Variants in GSE1 observed in about 807,000 individuals in gnomAD.
The protein encoded by GSE1 is Gse1 coiled-coil protein, also known as genetic suppressor element 1.
GSE1 carries 32 observed loss-of-function variants against 112.6 expected under a neutral mutation model. That is an observed-to-expected ratio of 0.28 (90% CI 0.21 to 0.38). GSE1 has a LOEUF of 0.38. Among genes scored for constraint, GSE1 ranks in the 10% least tolerant of loss-of-function variants. The pLI is 1.00. For missense variants in GSE1, 2,348 were observed against 1,699.2 expected (o/e 1.38, Z -6.71); for synonymous variants, 1,115 against 735.6 (o/e 1.52, Z -8.35).
chr16:85,234,334 A>C (rs1338732421), intron 1 of GSE1, among the ~76,000 whole-genome samples: 1 of 152,026 alleles, frequency 6.6e-6, no homozygotes, highest in East Asian at 1.9e-4. Flanking sequence ...GGGCTCCACC[A>C]TCTTGGTCTT....
intron 1 of GSE1, among the ~76,000 whole-genome samples, chr16:85,217,131 C>T (rs774176064): frequency 1.7e-4 from 26 of 152,298 alleles, no homozygotes; most frequent in South Asian, 4.1e-4. Flanking sequence ...CCATATGGAG[C>T]GTGGGGGTGA....
intron 1 of GSE1, among the ~76,000 whole-genome samples, chr16:85,195,240 C>T (rs1210786906): frequency 1.3e-5 from 2 of 152,156 alleles, no homozygotes; most frequent in South Asian, 2.1e-4. Context: ...CGGTAATAAG[C>T]CACTGTGTAT....
At chr16:85,588,550 TCTC>T (rs1397016980) in intron 1 of GSE1, among the ~76,000 whole-genome samples, 1 of 152,160 alleles carries the variant, frequency 6.6e-6, no homozygotes, top group African/African-American at 2.4e-5. Context: ...AAAGGGCTCT[TCTC>T]CTGCCTCGCC....
rs974815483 is a variant in GSE1 at position 85,599,299 on chromosome 16, G to A, written c.37+42936G>A. Among the ~76,000 whole-genome samples the A allele has an allele frequency of 2.6e-5, 4 of 152,352 alleles. No homozygotes were observed. In the East Asian group the frequency reaches 5.8e-4, roughly 22 times the overall value. On this transcript the variant is annotated intron_variant, in intron 1 of 2. Coordinates refer to the GSE1 transcript ENST00000635906. ...CAATTAATTTTTAAAAGACGATCAC[G>A]CCACAGGTCAGATGACGAGGTGAGC...
At chr16:85,662,915 T>C in intron 9 of GSE1, 66 bp from the exon 10 acceptor site, 1 of 1,136,048 alleles carries the variant, frequency 8.8e-7, no homozygotes, top group Non-Finnish European at 1.3e-6. Flanking sequence ...CATGAGGCCC[T>C]GCGGGCATGT....
chr16:85,624,809 A>G (rs559602572), intron 1 of GSE1, among the ~76,000 whole-genome samples: 1 of 152,248 alleles, frequency 6.6e-6, no homozygotes, highest in East Asian at 1.9e-4. Context: ...GAATGTGACA[A>G]GGGACCCCAG....
At chr16:85,237,414 G>A (rs1272396611) in intron 1 of GSE1, among the ~76,000 whole-genome samples, 4 of 152,172 alleles carry the variant, frequency 2.6e-5, no homozygotes, top group Non-Finnish European at 4.4e-5. Flanking sequence ...CACGGTGCCC[G>A]CTGCAGGGGA....
At chr16:85,616,030 GC>G (rs2048349167) in intron 1 of GSE1, among the ~76,000 whole-genome samples, 6 of 152,250 alleles carry the variant, frequency 3.9e-5, no homozygotes, top group Non-Finnish European at 7.3e-5. Context: ...TTCAGGGGCT[GC>G]AGATCTGAGT....
Position 85,209,626 on chromosome 16 carries a change from G to A in GSE1, c.2283+37819G>A, listed in dbSNP as rs371072568. The stretch of plus-strand genomic sequence containing the variant: ...CTCCCGCGGCCAGCCCAAGGGTCAC[G>A]CAAGGCCAGGAGGTGTTCCCCGGCT... On this transcript the variant is annotated intron_variant, in intron 1 of 2. Coordinates refer to the GSE1 transcript ENST00000637419. Among the ~76,000 whole-genome samples the A allele has an allele frequency of 9.2e-5, 14 of 152,322 alleles. No homozygotes were observed. The East Asian group carries it at 1.2e-3, about 13-fold the overall frequency.
intron 2 of GSE1, among the ~76,000 whole-genome samples, chr16:85,364,966 C>G (rs2047157657): frequency 6.6e-6 from 1 of 152,248 alleles, no homozygotes; most frequent in Non-Finnish European, 1.5e-5. Context: ...TACTGTGGTT[C>G]TGAGGCAGCC....
intron 1 of GSE1, chr16:85,582,252 C>T (rs2046478555): frequency 1.3e-5 from 2 of 152,248 alleles, no homozygotes; most frequent in South Asian, 2.1e-4. Context: ...GTCGGCACCC[C>T]CTGGATTAAT....
chr16:85,343,294 A>G (rs2046663348), intron 1 of GSE1, among the ~76,000 whole-genome samples: 1 of 152,140 alleles, frequency 6.6e-6, no homozygotes, highest in Non-Finnish European at 1.5e-5. Flanking sequence ...TACGTGCTTG[A>G]GGTGACCGAG....
At chr16:85,511,238 C>A (rs921303874) in intron 2 of GSE1, among the ~76,000 whole-genome samples, 4 of 152,178 alleles carry the variant, frequency 2.6e-5, no homozygotes, top group Non-Finnish European at 5.9e-5. Context: ...AATGCCTCCC[C>A]CCTCCAGGCT....
rs1025336550 is a variant in GSE1, at chr16:85,311,204, A to C, written c.2284-46259A>C. Among the ~76,000 whole-genome samples the C allele has an allele frequency of 6.6e-6, 1 of 152,156 alleles. No homozygotes were observed. Among genetic ancestry groups the C allele is most frequent in the Non-Finnish European group, 1.5e-5 (1 of 68,012 alleles). On this transcript the variant is annotated intron_variant, in intron 1 of 2. Coordinates refer to the GSE1 transcript ENST00000637419. The surrounding 1 kb of genome is among the most constrained non-coding windows in gnomAD (Gnocchi z 4.2). ...TGGTTCCCAGGGTGCCCCCAGCAGA[A>C]GAGCTGAGACTTGAATCCCATGGCA...
intron 2 of GSE1, among the ~76,000 whole-genome samples, chr16:85,638,066 C>T (rs934874364): frequency 7.9e-5 from 12 of 152,304 alleles, no homozygotes; most frequent in Admixed American, 2.0e-4. Flanking sequence ...CAGCCGCCTG[C>T]GGCAAGCCTT....
At chr16:85,645,920 G>T (rs2050819773) in intron 2 of GSE1, among the ~76,000 whole-genome samples, 1 of 146,424 alleles carries the variant, frequency 6.8e-6, no homozygotes, top group African/African-American at 2.6e-5. Context: ...TTCTATGCAT[G>T]CATTCTGCCT....
chr16:85,417,074 T>G (rs2048720018), intron 2 of GSE1, among the ~76,000 whole-genome samples: 1 of 152,198 alleles, frequency 6.6e-6, no homozygotes, highest in Non-Finnish European at 1.5e-5. Context: ...CAGGCTGGTC[T>G]CAAACTTATG....
At chr16:85,267,839 A>G (rs1049535447) in intron 1 of GSE1, among the ~76,000 whole-genome samples, 21 of 152,206 alleles carry the variant, frequency 1.4e-4, no homozygotes, top group Admixed American at 1.2e-3. Flanking sequence ...GTGGTTAAAC[A>G]TGAGCCATGG....
At chr16:85,358,210 GC>G (rs2046993048) in intron 2 of GSE1, among the ~76,000 whole-genome samples, 1 of 152,196 alleles carries the variant, frequency 6.6e-6, no homozygotes, top group Non-Finnish European at 1.5e-5. Context: ...CTTCCCTGAG[GC>G]CAGGCGAGGC....
Sources: allele counts gnomAD v4.1 joint callset (sites outside exome capture counted in the v4.1 genomes callset), GRCh38; gene constraint gnomAD v4.1.1; non-coding constraint Gnocchi (gnomAD v3.1); transcripts MANE v1.5; gene names NCBI Gene and HGNC (gene_info 2026-07-23, HGNC 2026-07-21).